AFG1L: variants seen among roughly 807,000 people sequenced by gnomAD.
The protein encoded by AFG1L is AFG1 like ATPase.
Under a neutral mutation model 62.2 loss-of-function variants are expected in AFG1L, and 53 were observed. The ratio of observed to expected loss-of-function variants is 0.85; its 90% CI spans 0.68 to 1.07. The LOEUF is 1.07. Among genes scored for constraint, AFG1L ranks in the 50% least tolerant of loss-of-function variants. The pLI, the probability that AFG1L is intolerant of heterozygous loss-of-function variation, is 0.00. For missense variants in AFG1L, 555 were observed against 590.5 expected, an observed-to-expected ratio of 0.94 and a Z score of 0.62; for synonymous variants, 228 against 210.3, an observed-to-expected ratio of 1.08 and a Z score of -0.73.
At chr6:108,367,676 A>G (rs1779815758) in intron 6 of AFG1L, among the ~76,000 whole-genome samples, 1 of 152,160 alleles carries the variant, frequency 6.6e-6, no homozygotes, top group African/African-American at 2.4e-5. Flanking sequence ...AGGGGGATAC[A>G]TATAAGAGTT....
chr6:108,476,959 A>G (rs1421467118), intron 9 of AFG1L, 24 bp downstream of exon 9: 1 of 1,593,370 alleles, frequency 6.3e-7, no homozygotes, highest in Non-Finnish European at 8.6e-7. Flanking sequence ...TTTCTCTTGA[A>G]AGAGAATACA....
intron 6 of AFG1L, among the ~76,000 whole-genome samples, chr6:108,385,222 TAAACTGGCCCA>T (rs1177543233): frequency 2.0e-5 from 3 of 152,224 alleles, no homozygotes; most frequent in African/African-American, 4.8e-5. Flanking sequence ...AATCTGGCCA[TAAACTGGCCCA>T]AAACTGGCCA....
intron 5 of AFG1L, among the ~76,000 whole-genome samples, chr6:108,360,868 A>C (rs1779497902): frequency 6.6e-6 from 1 of 152,194 alleles, no homozygotes; most frequent in Non-Finnish European, 1.5e-5. Context: ...ATGTTGCTGC[A>C]CCAGCACTCT....
Position 108,442,995 on chromosome 6 carries a change from TC to T in AFG1L, c.808-4218del, listed in dbSNP as rs1198807892. On this transcript the variant is annotated intron_variant, in intron 7 of 12. Coordinates refer to ENST00000368977, the MANE Select transcript of AFG1L (RefSeq NM_145315.5). Reference sequence around the variant, plus strand: ...TAACAGTACAACCCAGGATGCACTTTCAGGGAGGAAGAACATTGCTACTTCT... The same window carrying T: ...TAACAGTACAACCCAGGATGCACTTTAGGGAGGAAGAACATTGCTACTTCT... Among the ~76,000 whole-genome samples the T allele has an allele frequency of 3.9e-5, 6 of 152,324 alleles. No homozygotes were observed. The East Asian group carries it at 9.6e-4, about 24-fold the overall frequency.
At chr6:108,412,405 A>G (rs183110033) in intron 7 of AFG1L, among the ~76,000 whole-genome samples, 45 of 152,278 alleles carry the variant, frequency 3.0e-4, no homozygotes, top group Non-Finnish European at 6.2e-4. Context: ...AATTCAGGAA[A>G]TACAGAGAAC....
chr6:108,378,336 T>C (rs1315232404), intron 6 of AFG1L, among the ~76,000 whole-genome samples: 4 of 152,140 alleles, frequency 2.6e-5, no homozygotes, highest in African/African-American at 9.7e-5. Context: ...GTTTGTTTTT[T>C]TGATACAGAG....
At chr6:108,489,086 A>G (rs1234297170) in intron 10 of AFG1L, among the ~76,000 whole-genome samples, 2 of 152,246 alleles carry the variant, frequency 1.3e-5, no homozygotes, top group Admixed American at 6.5e-5. Flanking sequence ...GAAAGGATTG[A>G]TACTGGTGAG....
intron 8 of AFG1L, among the ~76,000 whole-genome samples, chr6:108,451,240 T>G (rs902326932): frequency 1.8e-4 from 27 of 152,324 alleles, no homozygotes; most frequent in African/African-American, 6.3e-4. Flanking sequence ...CATACGATCT[T>G]TAATGAAACA....
At chr6:108,365,506 T>C (rs1284589627) in intron 5 of AFG1L, among the ~76,000 whole-genome samples, 1 of 146,534 alleles carries the variant, frequency 6.8e-6, no homozygotes, top group African/African-American at 2.6e-5. Context: ...TTTTTTTTTT[T>C]GGTAGAAGGA....
intron 10 of AFG1L, among the ~76,000 whole-genome samples, chr6:108,486,307 A>G (rs975811956): frequency 6.6e-6 from 1 of 152,112 alleles, no homozygotes; most frequent in Admixed American, 6.5e-5. Context: ...GTTTCCTATC[A>G]TAGAGTATGA....
chr6:108,305,550 G>C (rs913364027), intron 1 of AFG1L, among the ~76,000 whole-genome samples: 1 of 151,948 alleles, frequency 6.6e-6, no homozygotes, highest in Non-Finnish European at 1.5e-5. Context: ...CAGTACGCCC[G>C]GCTAATGTTT....
chr6:108,336,022 G>A (rs951382061), intron 2 of AFG1L, among the ~76,000 whole-genome samples: 9 of 152,192 alleles, frequency 5.9e-5, no homozygotes, highest in Non-Finnish European at 1.3e-4. Flanking sequence ...AGGCTGCCGA[G>A]ATTCTTTTGC....
chr6:108,298,985 G>T (rs1156442495), intron 1 of AFG1L, among the ~76,000 whole-genome samples: 1 of 152,132 alleles, frequency 6.6e-6, no homozygotes, highest in African/African-American at 2.4e-5. Flanking sequence ...ACTTGGCCAG[G>T]CACAGTGGCT....
At chr6:108,352,168 G>T (rs1779107428) in intron 3 of AFG1L, among the ~76,000 whole-genome samples, 1 of 151,992 alleles carries the variant, frequency 6.6e-6, no homozygotes, top group African/African-American at 2.4e-5. Context: ...CCCTGGCCTG[G>T]CAACCACCAT....
intron 8 of AFG1L, among the ~76,000 whole-genome samples, chr6:108,461,917 A>G (rs1193017339): frequency 1.3e-5 from 2 of 151,754 alleles, no homozygotes; most frequent in Non-Finnish European, 2.9e-5. Flanking sequence ...ACACGTTGAA[A>G]CCCTGTCTCT....
At chr6:108,407,727 C>A (rs1191306495) in intron 7 of AFG1L, among the ~76,000 whole-genome samples, 1 of 151,960 alleles carries the variant, frequency 6.6e-6, no homozygotes, top group Non-Finnish European at 1.5e-5. Context: ...CAGGAGGGAA[C>A]CTCACCATCT....
At chr6:108,509,866 C>T (rs1168807920) in intron 10 of AFG1L, among the ~76,000 whole-genome samples, 1 of 152,170 alleles carries the variant, frequency 6.6e-6, no homozygotes. Context: ...GGGTACACTA[C>T]TTTTTTGGAG....
At chr6:108,360,435 AT>A (rs1433057794) in intron 5 of AFG1L, among the ~76,000 whole-genome samples, 2 of 152,076 alleles carry the variant, frequency 1.3e-5, no homozygotes, top group African/African-American at 2.4e-5. Flanking sequence ...TTAGTGTAGC[AT>A]TTTTTTTCTG....
At chr6:108,307,281 G>C (rs993664389) in intron 1 of AFG1L, among the ~76,000 whole-genome samples, 1 of 152,018 alleles carries the variant, frequency 6.6e-6, no homozygotes, top group African/African-American at 2.4e-5. Flanking sequence ...CAAAGTGCTA[G>C]GATTACGGGC....
Sources: allele counts gnomAD v4.1 joint callset (sites outside exome capture counted in the v4.1 genomes callset), GRCh38; gene constraint gnomAD v4.1.1; transcripts MANE v1.5; gene names NCBI Gene and HGNC (gene_info 2026-07-23, HGNC 2026-07-21).